MAST2: variants seen among roughly 807,000 people sequenced by gnomAD.
The protein encoded by MAST2 is microtubule associated serine/threonine kinase 2, also known as microtubule-associated serine/threonine-protein kinase 2.
A neutral mutation model predicts 147.4 loss-of-function variants in MAST2; 70 were observed. The observed-to-expected ratio is 0.47, with a 90% CI of 0.39 to 0.58. MAST2 has a LOEUF of 0.58. Ranked by LOEUF, MAST2 falls within the 20% of genes least tolerant of loss-of-function variation. MAST2 has a pLI of 0.00. For missense variants in MAST2, 2,080 were observed against 2,302.3 expected (o/e 0.90, Z 1.98); for synonymous variants, 869 against 896.8 (o/e 0.97, Z 0.55).
At chr1:46,032,815 C>T (rs964123465) in intron 26 of MAST2, 97 bp downstream of exon 26, 8 of 1,419,248 alleles carry the variant, frequency 5.6e-6, no homozygotes, top group African/African-American at 1.4e-5. Flanking sequence ...GGTGCACACA[C>T]ATCTACACCG....
chr1:45,804,161 G>A, intron 1 of MAST2, 89 bp downstream of exon 1: 1 of 1,264,188 alleles, frequency 7.9e-7, no homozygotes, highest in Non-Finnish European at 1.0e-6. Context: ...CTGGAGCTTT[G>A]GAGGGGTGGG....
chr1:45,936,975 T>G (rs980253587), intron 4 of MAST2, among the ~76,000 whole-genome samples: 8 of 151,842 alleles, frequency 5.3e-5, no homozygotes, highest in Admixed American at 2.0e-4. Flanking sequence ...ACTCCTAGGC[T>G]CAAGCAGTCC....
chr1:45,847,306 C>T, intron 3 of MAST2: 1 of 502,204 alleles, frequency 2.0e-6, no homozygotes, highest in Admixed American at 2.3e-5. Context: ...TCCTGCTTGT[C>T]CCTGATACTG....
At chr1:45,850,344 G>A (rs1415963827) in intron 3 of MAST2, among the ~76,000 whole-genome samples, 2 of 152,018 alleles carry the variant, frequency 1.3e-5, no homozygotes, top group African/African-American at 4.8e-5. Flanking sequence ...CTAGATATTA[G>A]ACCTTTGTCA....
rs903552702 is a variant in MAST2, at chr1:45,988,644, C to A, written c.593-9080C>A. ...TCAAGTGTTCTACATCCTCACTGAT[C>A]TTCCCATTTATTTATTCAATCATTT... On this transcript the variant is annotated intron_variant, in intron 5 of 28. Transcript: ENST00000361297. Among the ~76,000 whole-genome samples the A allele has an allele frequency of 5.4e-4, 82 of 152,122 alleles. 1 individual carries two copies. The highest frequency in any genetic ancestry group is 3.9e-4 in the African/African-American group (16 of 41,424).
intron 3 of MAST2, among the ~76,000 whole-genome samples, chr1:45,848,970 A>G (rs934050284): frequency 2.6e-5 from 4 of 152,198 alleles, no homozygotes; most frequent in Admixed American, 2.0e-4. Context: ...CAGGAAGGCA[A>G]TCCCATTCAC....
At chr1:45,997,610 T>C in intron 5 of MAST2, 114 bp from the exon 6 acceptor site, 2 of 766,782 alleles carry the variant, frequency 2.6e-6, no homozygotes, top group South Asian at 3.1e-5. Flanking sequence ...ATAGTGGCCC[T>C]GAGAAAATAA....
At chr1:45,959,923 G>A (rs1385697086) in intron 5 of MAST2, among the ~76,000 whole-genome samples, 3 of 152,148 alleles carry the variant, frequency 2.0e-5, no homozygotes, top group African/African-American at 7.2e-5. Flanking sequence ...AAAAGCAAGA[G>A]GAGTATGTGT....
At chr1:45,869,255 A>T (rs1478364851) in intron 3 of MAST2, among the ~76,000 whole-genome samples, 1 of 152,220 alleles carries the variant, frequency 6.6e-6, no homozygotes, top group Non-Finnish European at 1.5e-5. Context: ...TTTGTAGACA[A>T]GGATAATCAG....
At chr1:45,912,646 T>G (rs986564397) in intron 4 of MAST2, among the ~76,000 whole-genome samples, 1 of 152,172 alleles carries the variant, frequency 6.6e-6, no homozygotes, top group Non-Finnish European at 1.5e-5. Context: ...CCCCTCAGAG[T>G]TGGCAGAGCC....
At chr1:45,966,636 C>A (rs747432323) in intron 5 of MAST2, among the ~76,000 whole-genome samples, 12 of 152,098 alleles carry the variant, frequency 7.9e-5, no homozygotes, top group Admixed American at 3.3e-4. Flanking sequence ...GCAGGAGAAT[C>A]GCTTGAACCA....
At chr1:45,887,677 G>A (rs1355251701) in intron 4 of MAST2, among the ~76,000 whole-genome samples, 4 of 152,174 alleles carry the variant, frequency 2.6e-5, no homozygotes, top group African/African-American at 9.6e-5. Flanking sequence ...TGGAAAATGT[G>A]CTAAAAAGAG....
intron 2 of MAST2, 96 bp downstream of exon 2, chr1:45,824,676 C>A: frequency 7.8e-7 from 1 of 1,282,306 alleles, no homozygotes; most frequent in Non-Finnish European, 1.1e-6. Flanking sequence ...AGTTTCTTCT[C>A]TGGTAGTAGT....
chr1:45,901,028 GT>G (rs1468567547), intron 4 of MAST2, among the ~76,000 whole-genome samples: 1 of 151,796 alleles, frequency 6.6e-6, no homozygotes, highest in Non-Finnish European at 1.5e-5. Flanking sequence ...GTCCATTTTC[GT>G]TTTGGTCATA....
intron 4 of MAST2, among the ~76,000 whole-genome samples, chr1:45,945,701 G>A (rs1657931665): frequency 6.6e-6 from 1 of 152,110 alleles, no homozygotes; most frequent in Non-Finnish European, 1.5e-5. Context: ...GTATGTATTG[G>A]GCCAAAATAC....
chr1:45,883,386 G>A (rs1315166148), intron 4 of MAST2, among the ~76,000 whole-genome samples: 1 of 152,130 alleles, frequency 6.6e-6, no homozygotes, highest in East Asian at 1.9e-4. Flanking sequence ...TGAGGTTTTT[G>A]TGAAGCCTTT....
At chr1:46,013,417 A>T (rs1056302155) in intron 10 of MAST2, among the ~76,000 whole-genome samples, 20 of 152,082 alleles carry the variant, frequency 1.3e-4, no homozygotes, top group Non-Finnish European at 7.4e-5. Context: ...GCGGTGGCTC[A>T]CTCCTGTAAT....
intron 4 of MAST2, among the ~76,000 whole-genome samples, chr1:45,914,038 C>T (rs1008347624): frequency 6.6e-6 from 1 of 152,140 alleles, no homozygotes; most frequent in East Asian, 1.9e-4. Context: ...AAACAGTGGT[C>T]CTTGGCAGGG....
chr1:45,939,900 A>T (rs1656916343), intron 4 of MAST2, among the ~76,000 whole-genome samples: 1 of 151,046 alleles, frequency 6.6e-6, no homozygotes, highest in Non-Finnish European at 1.5e-5. Flanking sequence ...CTTTGAATTT[A>T]TACATCAGTT....
Sources: allele counts gnomAD v4.1 joint callset (sites outside exome capture counted in the v4.1 genomes callset), GRCh38; gene constraint gnomAD v4.1.1; transcripts MANE v1.5; gene names NCBI Gene and HGNC (gene_info 2026-07-23, HGNC 2026-07-21).